Variants in LRP1B observed in about 807,000 individuals in gnomAD.
LRP1B encodes low-density lipoprotein receptor-related protein 1B.
A neutral mutation model predicts 556.6 loss-of-function variants in LRP1B; 217 were observed. The observed-to-expected ratio is 0.39, with a 90% CI of 0.35 to 0.44. LRP1B has a LOEUF of 0.44. Among genes scored for constraint, LRP1B ranks in the 20% least tolerant of loss-of-function variants. The pLI is 1.00. For synonymous variants in LRP1B, 2,047 were observed against 1,865.8 expected, an observed-to-expected ratio of 1.10 and a Z score of -2.50; for missense variants, 5,053 against 5,620.8, an observed-to-expected ratio of 0.90 and a Z score of 3.23.
At chr2:141,611,912 G>A (rs1559175994) in intron 2 of LRP1B, among the ~76,000 whole-genome samples, 1 of 152,300 alleles carries the variant, frequency 6.6e-6, no homozygotes, top group East Asian at 1.9e-4. Context: ...TCAGAGACTG[G>A]TAAAACTGGT....
intron 7 of LRP1B, among the ~76,000 whole-genome samples, chr2:141,106,601 A>G (rs1700608383): frequency 6.6e-6 from 1 of 152,150 alleles, no homozygotes; most frequent in Admixed American, 6.5e-5. Context: ...TTACATTAAG[A>G]CATCAAAATG....
intron 7 of LRP1B, among the ~76,000 whole-genome samples, chr2:141,168,354 C>G (rs576220408): frequency 6.6e-6 from 1 of 152,144 alleles, no homozygotes; most frequent in African/African-American, 2.4e-5. Context: ...TCTATTATAA[C>G]TAGGTTTTGG....
At chr2:140,236,167 C>T (rs1680689168) in intron 89 of LRP1B, among the ~76,000 whole-genome samples, 1 of 150,804 alleles carries the variant, frequency 6.6e-6, no homozygotes, top group Non-Finnish European at 1.5e-5. Context: ...GATTGATTTT[C>T]ATAGAAGTGA....
chr2:140,427,636 T>A (rs1685718334), intron 66 of LRP1B, among the ~76,000 whole-genome samples: 4 of 152,284 alleles, frequency 2.6e-5, no homozygotes, highest in Admixed American at 2.6e-4. Flanking sequence ...GTGCCTGATA[T>A]CCAGGCATTC....
At chr2:142,083,625 A>G (rs1325156486) in intron 1 of LRP1B, among the ~76,000 whole-genome samples, 1 of 152,256 alleles carries the variant, frequency 6.6e-6, no homozygotes. Context: ...TAGTTCTTCT[A>G]AACTGTAATT....
At chr2:140,388,269 T>C (rs1683853942) in intron 66 of LRP1B, among the ~76,000 whole-genome samples, 1 of 152,050 alleles carries the variant, frequency 6.6e-6, no homozygotes, top group South Asian at 2.1e-4. Flanking sequence ...TGTCTTAAAA[T>C]GTTAGGATAT....
intron 9 of LRP1B, among the ~76,000 whole-genome samples, chr2:141,055,791 C>T (rs1699163808): frequency 7.7e-6 from 1 of 130,024 alleles, no homozygotes; most frequent in South Asian, 2.7e-4. Context: ...TTTTGAGACT[C>T]TTACCACAAA....
intron 86 of LRP1B, among the ~76,000 whole-genome samples, chr2:140,251,455 C>CCA (rs1461748726): frequency 1.3e-5 from 2 of 151,676 alleles, no homozygotes; most frequent in African/African-American, 4.8e-5. Context: ...CTAGAGTCAC[C>CCA]CACTTTGGGA....
At chr2:141,595,118 T>A (rs1182394421) in intron 2 of LRP1B, among the ~76,000 whole-genome samples, 1 of 152,134 alleles carries the variant, frequency 6.6e-6, no homozygotes, top group Non-Finnish European at 1.5e-5. Context: ...ATTTACCTAT[T>A]AATTTGATTA....
chr2:141,611,633 C>T (rs958191478), intron 2 of LRP1B, among the ~76,000 whole-genome samples: 1 of 152,120 alleles, frequency 6.6e-6, no homozygotes, highest in African/African-American at 2.4e-5. Flanking sequence ...AGCTGATCTG[C>T]TTCTATATGA....
intron 60 of LRP1B, among the ~76,000 whole-genome samples, chr2:140,467,903 A>G (rs571806090): frequency 6.6e-6 from 1 of 152,368 alleles, no homozygotes; most frequent in East Asian, 1.9e-4. Context: ...AAATGAAAGC[A>G]GAAAAAGATT....
At chr2:140,305,408 C>G (rs1425748023) in intron 83 of LRP1B, among the ~76,000 whole-genome samples, 19 of 152,244 alleles carry the variant, frequency 1.2e-4, no homozygotes, top group Middle Eastern at 3.4e-3. Flanking sequence ...ATTTTATTCT[C>G]TTTGAAGCAA....
At chr2:140,252,423 T>C (rs1681479211) in intron 86 of LRP1B, among the ~76,000 whole-genome samples, 1 of 151,988 alleles carries the variant, frequency 6.6e-6, no homozygotes, top group South Asian at 2.1e-4. Flanking sequence ...AAGAATCCTA[T>C]GAGTAGGCAT....
At chr2:142,056,510 G>T (rs1243399876) in intron 1 of LRP1B, among the ~76,000 whole-genome samples, 3 of 152,006 alleles carry the variant, frequency 2.0e-5, no homozygotes, top group Non-Finnish European at 2.9e-5. Flanking sequence ...AGGAAGGGGT[G>T]GGCCAGCCTC....
Position 142,102,569 on chromosome 2 carries a change from T to G in LRP1B, c.82+28079A>C, listed in dbSNP as rs1277426977. ...AAAATAAAATAAAAAAATAAAAAAG[T>G]AATTACATTCTTAAAATTACTTAAA... On this transcript the variant is annotated intron_variant, in intron 1 of 90. Coordinates refer to ENST00000389484, the MANE Select transcript of LRP1B (RefSeq NM_018557.3). 2.6e-5 allele frequency among the ~76,000 whole-genome samples: 4 copies of G among 151,458 alleles called. No individual in the cohort carries two copies. The East Asian group carries it at 5.8e-4, about 22-fold the overall frequency.
chr2:140,699,474 A>G (rs1362055526), intron 41 of LRP1B, among the ~76,000 whole-genome samples: 6 of 151,900 alleles, frequency 3.9e-5, no homozygotes, highest in African/African-American at 1.4e-4. Flanking sequence ...TATTATTTGA[A>G]CACTCTACAA....
Position 141,464,248 on chromosome 2 carries a change from C to T in LRP1B, c.343+16148G>A, listed in dbSNP as rs556878521. ...GAAAAATGTATGAGTGAGCAATATACATAGGGAATTTGGTACAATCTCTAA... is the reference window on the plus strand; with the variant it reads ...GAAAAATGTATGAGTGAGCAATATATATAGGGAATTTGGTACAATCTCTAA... On this transcript the variant is annotated intron_variant, in intron 3 of 90. Coordinates refer to ENST00000389484, the MANE Select transcript of LRP1B (RefSeq NM_018557.3). Among the ~76,000 whole-genome samples the T allele has an allele frequency of 4.1e-4, 63 of 152,238 alleles. 1 individual carries two copies. Among genetic ancestry groups the T allele is most frequent in the African/African-American group, 1.2e-3 (50 of 41,522 alleles).
intron 58 of LRP1B, among the ~76,000 whole-genome samples, chr2:140,486,257 G>T (rs2105364604): frequency 6.6e-6 from 1 of 151,994 alleles, no homozygotes; most frequent in East Asian, 1.9e-4. Flanking sequence ...TTAAAGACAA[G>T]AAAATGCCAA....
chr2:141,137,052 T>A (rs906641245), intron 7 of LRP1B, among the ~76,000 whole-genome samples: 1 of 151,928 alleles, frequency 6.6e-6, no homozygotes, highest in Non-Finnish European at 1.5e-5. Context: ...AAGTCTATTA[T>A]GAATATCACA....
Sources: gnomAD v4.1 joint callset for allele counts (sites outside exome capture counted in the v4.1 genomes callset) on GRCh38, gnomAD v4.1.1 for gene constraint, MANE v1.5 for transcripts, NCBI Gene and HGNC (gene_info 2026-07-23, HGNC 2026-07-21) for gene names.